CUL7: variants seen among roughly 807,000 people sequenced by gnomAD.
CUL7 encodes the protein cullin-7.
A neutral mutation model predicts 177.7 loss-of-function variants in CUL7; 96 were observed. The ratio of observed to expected loss-of-function variants is 0.54; its 90% CI spans 0.46 to 0.64. The LOEUF (loss-of-function observed/expected upper bound fraction) is 0.64. Ranked by LOEUF, CUL7 falls within the 30% of genes least tolerant of loss-of-function variation. CUL7 has a pLI of 0.00. For missense variants in CUL7, 1,893 were observed against 2,187.9 expected, an observed-to-expected ratio of 0.87 and a Z score of 2.69; for synonymous variants, 824 against 890.2, an observed-to-expected ratio of 0.93 and a Z score of 1.32.
At chr6:43,039,611 G>A (rs780611433) in intron 22 of CUL7, among the ~76,000 whole-genome samples, 4 of 152,030 alleles carry the variant, frequency 2.6e-5, no homozygotes, top group Non-Finnish European at 5.9e-5. Flanking sequence ...CAGCCACCAA[G>A]CTCCTGCCCT....
Position 43,042,865 on chromosome 6 carries a change from CAAG to C in CUL7, c.3579_3581del (p.Phe1193del). ...CCGCACAGCCATTTTGCAGCGCCAGCAAGAAGGCTGCCCGAGGCCCAAACAGTT... is the reference window on the plus strand; with the variant it reads ...CCGCACAGCCATTTTGCAGCGCCAGCAAGGCTGCCCGAGGCCCAAACAGTT... On this transcript the variant is annotated inframe_deletion, in exon 19 of 26. Transcript: ENST00000265348. The C allele has an allele frequency of 6.2e-7, 1 of 1,614,004 alleles. No individual in the cohort carries two copies. The highest frequency in any genetic ancestry group is 1.1e-5 in the South Asian group (1 of 91,038).
chr6:43,052,093 C>T lies in CUL7; in HGVS notation c.580+116G>A. ...TTTTCTTCCAACTCTAAGAGAAGGGCAACAGAATCATTTACGTACTGATGA... is the reference window on the plus strand; with the variant it reads ...TTTTCTTCCAACTCTAAGAGAAGGGTAACAGAATCATTTACGTACTGATGA... On this transcript the variant is annotated intron_variant, in intron 2 of 25. Transcript: ENST00000265348. This position sits in a 1 kb window ranked among gnomAD's most constrained non-coding sequence, Gnocchi z 4.5. The T allele has an allele frequency of 6.5e-7, 1 of 1,534,312 alleles. No homozygotes were observed. Among genetic ancestry groups the T allele is most frequent in the Non-Finnish European group, 8.8e-7 (1 of 1,137,884 alleles).
At chr6:43,041,175 A>T (rs1049765188) in intron 19 of CUL7, 100 bp from the exon 20 acceptor site, 2 of 1,174,866 alleles carry the variant, frequency 1.7e-6, no homozygotes, top group African/African-American at 3.0e-5. Flanking sequence ...GAATGCTGGC[A>T]GCTTTCTAAG....
chr6:43,046,817 G>A (rs573602788), intron 10 of CUL7, 63 bp downstream of exon 10: 75 of 1,237,694 alleles, frequency 6.1e-5, no homozygotes, highest in East Asian at 1.6e-4. Flanking sequence ...GCCCTTACCC[G>A]CCACTGCTTG....
Position 43,038,326 on chromosome 6 carries a change from C to T in CUL7, c.4714G>A (p.Val1572Ile), listed in dbSNP as rs138698463. The change falls in exon 25 of 26, where the codon GTC (valine) becomes ATC (isoleucine). Residue 1572 changes from valine to isoleucine, a missense_variant. Val to Ile is a conservative substitution (Grantham distance 29). This residue lies in a region of CUL7 where 248 missense variants were observed against 262.5 expected (regional missense o/e 0.94). Coordinates refer to ENST00000265348, the MANE Select transcript of CUL7 (RefSeq NM_014780.5). The part of the protein sequence containing the change: ...KRRNLLNCLI[V>I]RILKAHGDEG... ...TCTCCATGGGCCTTGAGGATTCGGA[C>T]GATGAGGCAGTTCAGAAGATTCCGT... 65 of 1,614,176 alleles carry T rather than the reference C, an allele frequency of 4.0e-5. No individual in the cohort carries two copies. In the Middle Eastern group the frequency reaches 4.9e-4, roughly 12 times the overall value.
At position 43,050,527 on chromosome 6, in the gene CUL7, C is replaced by CAAAA; in HGVS notation, c.1234-133_1234-130dup. 1.5e-6 allele frequency: 1 copy of CAAAA among 662,736 alleles called. No homozygotes were observed. Among genetic ancestry groups the CAAAA allele is most frequent in the Non-Finnish European group, 2.6e-6 (1 of 382,966 alleles). 41.1% of individuals were successfully genotyped at this position (662,736 alleles called of 1,614,324 possible). On this transcript the variant is annotated intron_variant, in intron 4 of 25. Coordinates refer to ENST00000265348, the MANE Select transcript of CUL7 (RefSeq NM_014780.5). The surrounding 1 kb of genome is among the most constrained non-coding windows in gnomAD (Gnocchi z 4.1). ...AGGTTTTAGAAAAACCTCCACATAA[C>CAAAA]AAAACAGCAGCATATGGAGAATACA...
chr6:43,052,293 G>C lies in CUL7; in HGVS notation c.496C>G (p.Leu166Val), dbSNP rs111471694. The C allele has an allele frequency of 1.1e-5, 18 of 1,614,214 alleles. No homozygotes were observed. The highest frequency in any genetic ancestry group is 1.1e-4 in the African/African-American group (8 of 75,046). Reference protein sequence around the residue: ...VFKDPRVLDLLMHMLSSPDYQ... With the variant: ...VFKDPRVLDLVMHMLSSPDYQ... ...TCAGGACTACTCAACATGTGCATGAGCAAGTCCAGGACCCTTGGGTCCTTG... is the reference window on the plus strand; with the variant it reads ...TCAGGACTACTCAACATGTGCATGACCAAGTCCAGGACCCTTGGGTCCTTG... Residue 166 changes from leucine to valine, a missense_variant, in exon 2 of 26, where the codon CTC (leucine) becomes GTC (valine). Leu to Val is a conservative substitution (Grantham distance 32). Transcript: ENST00000265348. The surrounding 1 kb of genome is among the most constrained non-coding windows in gnomAD (Gnocchi z 4.5).
At position 43,051,065 on chromosome 6, in the gene CUL7, G is replaced by C. The variant is rs751379076; in HGVS notation, c.1136C>G (p.Pro379Arg). The change falls in exon 4 of 26, where the codon CCG (proline) becomes CGG (arginine). Residue 379 changes from proline (P) to arginine (R), a missense_variant. Around this residue, in one of 5 missense-constraint regions of CUL7, gnomAD observed 653 missense variants for 725.2 expected, o/e 0.90. Transcript: ENST00000265348. This position sits in a 1 kb window ranked among gnomAD's most constrained non-coding sequence, Gnocchi z 5.0. Reference protein sequence around the residue: ...YALYVRDTLQPGMRVRMLDDY... With the variant: ...YALYVRDTLQRGMRVRMLDDY... ...ATCCAGCATCCGCACTCGCATCCCC[G>C]GCTGCAGTGTGTCCCGCACATACAA... is the stretch of plus-strand genomic sequence containing the variant. 6 of 1,614,116 alleles carry C rather than the reference G, an allele frequency of 3.7e-6. No individual in the cohort carries two copies. The highest frequency in any genetic ancestry group is 2.7e-5 in the African/African-American group (2 of 74,996).
Position 43,043,340 on chromosome 6 carries a change from G to T in CUL7, c.3355+108C>A. The T allele has an allele frequency of 1.6e-6, 2 of 1,265,808 alleles. No homozygotes were observed. The highest frequency in any genetic ancestry group is 1.2e-5 in the South Asian group (1 of 81,366). The allele number at this position is 1,265,808 out of a possible 1,614,324, so 78.4% of individuals were successfully genotyped here. On this transcript the variant is annotated intron_variant, in intron 17 of 25. Transcript: ENST00000265348. This position sits in a 1 kb window ranked among gnomAD's most constrained non-coding sequence, Gnocchi z 4.2. ...CAAACCTGGAAGATGAACAGGCTGA[G>T]CCCATAGGGAGGGGAAGGATGGGGA...
intron 19 of CUL7, among the ~76,000 whole-genome samples, chr6:43,042,577 A>G (rs1031117134): frequency 6.6e-6 from 1 of 152,262 alleles, no homozygotes; most frequent in Middle Eastern, 3.4e-3. Flanking sequence ...CTGCCCTCAG[A>G]TGATCTGCCT....
Position 43,051,532 on chromosome 6 carries a change from A to G in CUL7, c.733-64T>C. 6.2e-7 allele frequency: 1 copy of G among 1,613,710 alleles called. No homozygotes were observed. Among genetic ancestry groups the G allele is most frequent in the South Asian group, 1.1e-5 (1 of 90,958 alleles). ...CAGTTTAAGCCCCTCTCTCCATACC[A>G]TCCTCTGCAGATAGGTGCAAAGGCC... On this transcript the variant is annotated intron_variant, in intron 3 of 25. Transcript: ENST00000265348. The surrounding 1 kb of genome is among the most constrained non-coding windows in gnomAD (Gnocchi z 5.0).
intron 10 of CUL7, 76 bp downstream of exon 10, chr6:43,046,804 A>T (rs1291926797): frequency 1.6e-6 from 2 of 1,221,986 alleles, no homozygotes; most frequent in Non-Finnish European, 2.4e-6. Context: ...CCATGGGAAC[A>T]CAGCCCTTAC....
chr6:43,048,150 C>T lies in CUL7; in HGVS notation c.2167G>A (p.Glu723Lys). ...ACLRSPNTDR[E>K]VLQELIFFLH... ...TCCCCAGAGCAGGGCAGGGGTACCT[C>T]TCGATCAGTGTTTGGGGACCGCAGG... The change falls in exon 9 of 26, where the codon GAG (glutamate) becomes AAG (lysine). Residue 723 changes from glutamate to lysine, a missense_variant and splice_region_variant. By Grantham distance (56) the Glu-to-Lys change is moderately conservative. Transcript: ENST00000265348. 6.2e-7 allele frequency: 1 copy of T among 1,608,410 alleles called. No individual in the cohort carries two copies. The highest frequency in any genetic ancestry group is 8.5e-7 in the Non-Finnish European group (1 of 1,175,368).
Position 43,037,980 on chromosome 6 carries a change from G to A in CUL7, c.4805C>T (p.Pro1602Leu). 1 of 1,595,292 alleles carries A rather than the reference G, an allele frequency of 6.3e-7. No homozygotes were observed. Among genetic ancestry groups the A allele is most frequent in the Non-Finnish European group, 8.6e-7 (1 of 1,169,294 alleles). ...AAGGCTGCTGACCAAACCCCTGGGA[G>A]GACACGGGCCCTTCTGCCAAGCCTC... is the stretch of plus-strand genomic sequence containing the variant. ...VLEAWQKGPC[P>L]PRGLVSSLGK... Residue 1602 changes from proline to leucine, a missense_variant, in exon 26 of 26, where the codon CCT becomes CTT. Physicochemically the swap from Pro to Leu is moderately conservative, Grantham distance 98. This residue lies in a region of CUL7 where 248 missense variants were observed against 262.5 expected (regional missense o/e 0.94). Transcript: ENST00000265348.
rs144170122 is a variant in CUL7, at chr6:43,047,975, A to G, written c.2169+173T>C. 1.1e-3 allele frequency: 689 copies of G among 605,452 alleles called. 6 individuals carry two copies. In the Admixed American group the frequency reaches 0.016, roughly 14 times the overall value. The allele number at this position is 605,452 out of a possible 1,614,324, so 37.5% of individuals were successfully genotyped here. On this transcript the variant is annotated intron_variant, in intron 9 of 25. Coordinates refer to ENST00000265348, the MANE Select transcript of CUL7 (RefSeq NM_014780.5). The stretch of plus-strand genomic sequence containing the variant: ...GTTAGAGCGTTTTGATTTGTGAACC[A>G]TGTGAATGTATTACCTATTTAAAAA...
Position 43,052,622 on chromosome 6 carries a change from C to G in CUL7, c.167G>C (p.Gly56Ala). ...RRGDEGDGGS[G>A]QVDCKAEHIL... ...GTGCTCAGCCTTGCAGTCCACTTGG[C>G]CAGAGCCCCCGTCCCCCTCATCGCC... is the stretch of plus-strand genomic sequence containing the variant. The change falls in exon 2 of 26, where the codon GGC becomes GCC. Residue 56 changes from glycine (G) to alanine (A), a missense_variant. Coordinates refer to ENST00000265348, the MANE Select transcript of CUL7 (RefSeq NM_014780.5). This position sits in a 1 kb window ranked among gnomAD's most constrained non-coding sequence, Gnocchi z 4.5. The G allele has an allele frequency of 1.2e-6, 2 of 1,614,232 alleles. No homozygotes were observed. The highest frequency in any genetic ancestry group is 2.2e-5 in the South Asian group (2 of 91,090).
Position 43,042,917 on chromosome 6 carries a change from T to C in CUL7, c.3530A>G (p.Asn1177Ser). ...TTCAGAGCTTGAGTTCTGCAGAATA[T>C]TAAAGTGCTCACAGTAGCGTGGCAC... ...DFVPRYCEHFNILQNSSSELF... is the reference protein window; with the variant it reads ...DFVPRYCEHFSILQNSSSELF... Residue 1177 changes from asparagine (N) to serine (S), a missense_variant, in exon 19 of 26, where the codon AAT becomes AGT. This residue lies in a region of CUL7 where 973 missense variants were observed against 1,140.9 expected (regional missense o/e 0.85). Coordinates refer to ENST00000265348, the MANE Select transcript of CUL7 (RefSeq NM_014780.5). 6.2e-7 allele frequency: 1 copy of C among 1,614,114 alleles called. No homozygotes were observed. Among genetic ancestry groups the C allele is most frequent in the South Asian group, 1.1e-5 (1 of 91,074 alleles).
In CUL7 at chr6:43,040,604, G is replaced by C; in HGVS notation, c.3949C>G (p.Gln1317Glu). ...TGCTGGAGCTGGTAGACGTGGAACTGGCGCTGCAGCTCCTTAGAGGTGCTC... is the reference window on the plus strand; with the variant it reads ...TGCTGGAGCTGGTAGACGTGGAACTCGCGCTGCAGCTCCTTAGAGGTGCTC... ...SLSTSKELQR[Q>E]FHVYQLQQLD... The change falls in exon 21 of 26, where the codon CAG (glutamine) becomes GAG (glutamate). Residue 1317 changes from glutamine (Q) to glutamate (E), a missense_variant. By Grantham distance (29) the Gln-to-Glu change is conservative. This residue lies in a region of CUL7 where 973 missense variants were observed against 1,140.9 expected (regional missense o/e 0.85). Transcript: ENST00000265348. The surrounding 1 kb of genome is among the most constrained non-coding windows in gnomAD (Gnocchi z 4.2). 1 of 1,614,254 alleles carries C rather than the reference G, an allele frequency of 6.2e-7. No individual in the cohort carries two copies. Among genetic ancestry groups the C allele is most frequent in the Non-Finnish European group, 8.5e-7 (1 of 1,180,052 alleles).
intron 19 of CUL7, among the ~76,000 whole-genome samples, chr6:43,041,739 C>T (rs922426728): frequency 1.3e-5 from 2 of 151,340 alleles, no homozygotes; most frequent in Non-Finnish European, 3.0e-5. Flanking sequence ...GGAGAGGTGG[C>T]TCATGCCTGT....
Sources: allele counts gnomAD v4.1 joint callset (sites outside exome capture counted in the v4.1 genomes callset), GRCh38; gene constraint gnomAD v4.1.1; regional missense constraint gnomAD v4.1.1; non-coding constraint Gnocchi (gnomAD v3.1); transcripts MANE v1.5; gene names NCBI Gene and HGNC (gene_info 2026-07-23, HGNC 2026-07-21).